C1orf167: variants seen among roughly 807,000 people sequenced by gnomAD.
C1orf167 encodes the protein uncharacterized protein C1orf167.
Under a neutral mutation model 176.5 loss-of-function variants are expected in C1orf167, and 153 were observed. The ratio of observed to expected loss-of-function variants is 0.87; its 90% confidence interval spans 0.76 to 0.99. The LOEUF (loss-of-function observed/expected upper bound fraction) is 0.99. Among genes scored for constraint, C1orf167 ranks in the 50% least tolerant of loss-of-function variants. The pLI, the probability that C1orf167 is intolerant of heterozygous loss-of-function variation, is 0.00. For synonymous variants in C1orf167, 594 were observed against 752.7 expected, an observed-to-expected ratio of 0.79 and a Z score of 3.45; for missense variants, 1,490 against 1,817.7, an observed-to-expected ratio of 0.82 and a Z score of 3.28.
At chr1:11,782,402 G>A (rs1643642032) in intron 14 of C1orf167, 69 bp downstream of exon 14, 4 of 1,143,972 alleles carry the variant, frequency 3.5e-6, no homozygotes, top group Non-Finnish European at 3.3e-6. Flanking sequence ...GAGCACCCAG[G>A]GGGTGGGAAG....
intron 2 of C1orf167, 29 bp from the exon 3 acceptor site, chr1:11,765,828 C>G (rs1024877670): frequency 2.5e-6 from 3 of 1,182,508 alleles, no homozygotes; most frequent in Non-Finnish European, 3.2e-6. Flanking sequence ...GCCAGCCACC[C>G]AAGTCATGAC....
rs1448054688 is a variant in C1orf167 at position 11,771,619 on chromosome 1, AG to A, written c.1795del (p.Ala599ProfsTer48). On this transcript the variant is annotated frameshift_variant, in exon 7 of 21. Transcript: ENST00000688073. LOFTEE classifies it high-confidence loss of function. ...AGACACGAGAGAGTCCAGATCCTGC[AG>A]GCCCTGCAACTGGCTGGTGAGACGT... ...DSRHERVQILQALQLAVFFLW... is the reference protein window; with the variant it reads ...DSRHERVQILXALQLAVFFLW... 4.5e-5 allele frequency: 58 copies of A among 1,289,614 alleles called. No homozygotes were observed. The highest frequency in any genetic ancestry group is 5.8e-5 in the Non-Finnish European group (57 of 988,790). The allele number at this position is 1,289,614 out of a possible 1,614,324, so 79.9% of individuals were successfully genotyped here. A position where few individuals can be genotyped will look rare whatever the true frequency, so the allele number is the denominator to read the frequency against.
In C1orf167 at chr1:11,771,043, G is replaced by GTA. The variant is rs1374627501; in HGVS notation, c.1698-480_1698-479insAT. ...AGCGTGTGTGTGTATGTGTGTGTGT[G>GTA]TGTGTGTATATATATATATATATAT... On this transcript the variant is annotated intron_variant, in intron 6 of 20. Coordinates refer to ENST00000688073, the MANE Select transcript of C1orf167 (RefSeq NM_001010881.2). Among the ~76,000 whole-genome samples, 323 of 69,692 alleles carry GTA rather than the reference G, an allele frequency of 4.6e-3. 13 individuals carry two copies. The highest frequency in any genetic ancestry group is 0.014 in the South Asian group (18 of 1,304). The allele number at this position is 69,692 out of a possible 152,430, so 45.7% of individuals were successfully genotyped here.
intron 10 of C1orf167, 45 bp from the exon 11 acceptor site, chr1:11,778,615 C>T: frequency 7.9e-7 from 1 of 1,262,574 alleles, no homozygotes; most frequent in Middle Eastern, 2.2e-4. Flanking sequence ...CCCTGCACAG[C>T]CTGAGGGTGA....
At position 11,768,205 on chromosome 1, in the gene C1orf167, T is replaced by A; in HGVS notation, c.1472T>A (p.Leu491His). The change falls in exon 5 of 21, where the codon CTC becomes CAC. Residue 491 changes from leucine to histidine, a missense_variant. Leu to His is a moderately conservative substitution (Grantham distance 99). Coordinates refer to ENST00000688073, the MANE Select transcript of C1orf167 (RefSeq NM_001010881.2). This position sits in a 1 kb window ranked among gnomAD's most constrained non-coding sequence, Gnocchi z 4.5. ...CGAAAGTGCCTTCAGGCCTTGTGGC[T>A]CCGGGAGGCTCAGCTGGAGGCAGCA... Reference protein sequence around the residue: ...LLRKCLQALWLREAQLEAAWG... With the variant: ...LLRKCLQALWHREAQLEAAWG... 1 of 1,289,726 alleles carries A rather than the reference T, an allele frequency of 7.8e-7. No homozygotes were observed. Among genetic ancestry groups the A allele is most frequent in the Non-Finnish European group, 1.0e-6 (1 of 988,752 alleles). The allele number at this position is 1,289,726 out of a possible 1,614,324, so 79.9% of individuals were successfully genotyped here. A position where few individuals can be genotyped will look rare whatever the true frequency, so the allele number is the denominator to read the frequency against.
At position 11,785,304 on chromosome 1, in the gene C1orf167, CCA is replaced by C. The variant is rs1557744895; in HGVS notation, c.3567+16_3567+17del. 3.2e-6 allele frequency: 4 copies of C among 1,269,674 alleles called. No individual in the cohort carries two copies. Among genetic ancestry groups the C allele is most frequent in the Middle Eastern group, 2.2e-4 (1 of 4,616 alleles). The allele number at this position is 1,269,674 out of a possible 1,614,324, so 78.7% of individuals were successfully genotyped here. A position where few individuals can be genotyped will look rare whatever the true frequency, so the allele number is the denominator to read the frequency against. On this transcript the variant is annotated intron_variant, in intron 16 of 20. Coordinates refer to ENST00000688073, the MANE Select transcript of C1orf167 (RefSeq NM_001010881.2). ...GGGCCGGCAAGGTACGCCCCAAGCCCCAGACTGACCTCACGCTCTGGCCCCGG... is the reference window on the plus strand; with the variant it reads ...GGGCCGGCAAGGTACGCCCCAAGCCCGACTGACCTCACGCTCTGGCCCCGG...
intron 17 of C1orf167, 158 bp from the exon 18 acceptor site, chr1:11,787,715 G>T (rs3820192): frequency 0.1 from 113,471 of 1,081,696 alleles, 6,363 homozygotes; most frequent in South Asian, 0.17. Context: ...CAGGCAGCCG[G>T]GAGAGGCTGG....
chr1:11,789,243 A>T, intron 20 of C1orf167, 27 bp from the exon 21 acceptor site: 1 of 1,301,856 alleles, frequency 7.7e-7, no homozygotes, highest in African/African-American at 1.5e-5. Context: ...CCACAACAAT[A>T]GCATTTCCTC....
chr1:11,764,871 G>A (rs1000844607), intron 2 of C1orf167, among the ~76,000 whole-genome samples: 13 of 151,980 alleles, frequency 8.6e-5, no homozygotes, highest in Admixed American at 2.0e-4. Flanking sequence ...CCTGGCCAAT[G>A]TGGTGAAACT....
chr1:11,771,411 C>T, intron 6 of C1orf167, 113 bp from the exon 7 acceptor site: 6 of 462,608 alleles, frequency 1.3e-5, no homozygotes, highest in South Asian at 1.1e-4. Context: ...GGGGACTCAG[C>T]GCCCCCTGCT....
At chr1:11,780,070 A>G in intron 13 of C1orf167, 60 bp downstream of exon 13, 1 of 1,177,372 alleles carries the variant, frequency 8.5e-7, no homozygotes, top group South Asian at 1.5e-5. Context: ...TCTGTCTGAG[A>G]CCCAGACTGC....
chr1:11,765,714 AG>A (rs1642757974), intron 2 of C1orf167, 142 bp from the exon 3 acceptor site: 1 of 768,096 alleles, frequency 1.3e-6, no homozygotes, highest in African/African-American at 1.8e-5. Flanking sequence ...CCAGGGAGAC[AG>A]AGCTGGCAGA....
intron 12 of C1orf167, 91 bp downstream of exon 12, chr1:11,779,171 C>T (rs371563989): frequency 1.7e-6 from 2 of 1,146,344 alleles, no homozygotes; most frequent in African/African-American, 1.6e-5. Flanking sequence ...ACAGCAGCAG[C>T]CCCTTGGGGT....
At chr1:11,764,783 G>C (rs1283650002) in intron 2 of C1orf167, among the ~76,000 whole-genome samples, 1 of 152,106 alleles carries the variant, frequency 6.6e-6, no homozygotes, top group Non-Finnish European at 1.5e-5. Flanking sequence ...GGCCGGGCGT[G>C]GTGGCTCACG....
At chr1:11,771,683 G>T in intron 7 of C1orf167, 47 bp downstream of exon 7, 2 of 1,234,846 alleles carry the variant, frequency 1.6e-6, no homozygotes, top group Non-Finnish European at 2.1e-6. Context: ...GCCTGGCCAC[G>T]CAGGGCCTGA....
chr1:11,763,265 C>A (rs1184120367), intron 1 of C1orf167, among the ~76,000 whole-genome samples: 1 of 152,142 alleles, frequency 6.6e-6, no homozygotes, highest in Non-Finnish European at 1.5e-5. Context: ...CATGGTGAAA[C>A]CCTGTCTCTA....
chr1:11,766,662 GGA>G lies in C1orf167; in HGVS notation c.877_878del (p.Asp293TrpfsTer21), dbSNP rs1642812703. The G allele has an allele frequency of 2.3e-6, 3 of 1,289,674 alleles. No homozygotes were observed. The Admixed American group carries it at 6.9e-5, about 30-fold the overall frequency. The allele number at this position is 1,289,674 out of a possible 1,614,324, so 79.9% of individuals were successfully genotyped here. On this transcript the variant is annotated frameshift_variant, in exon 3 of 21. Coordinates refer to ENST00000688073, the MANE Select transcript of C1orf167 (RefSeq NM_001010881.2). LOFTEE classifies it high-confidence loss of function. The surrounding 1 kb of genome is among the most constrained non-coding windows in gnomAD (Gnocchi z 4.5). ...QPSQPVLASS[D>X]GRRRRLRGHR... The stretch of plus-strand genomic sequence containing the variant: ...CCAGCCAGCCTGTCCTTGCTTCCTC[GGA>G]TGGGAGGAGGAGACGCCTTCGAGGC...
chr1:11,780,744 A>G (rs540438299), intron 13 of C1orf167, among the ~76,000 whole-genome samples: 2 of 152,228 alleles, frequency 1.3e-5, no homozygotes, highest in South Asian at 4.1e-4. Flanking sequence ...CAGCAGAGTT[A>G]GTCAGGGAGG....
In C1orf167 at chr1:11,789,390, A is replaced by C. The variant is rs868014; in HGVS notation, c.4294A>C (p.Arg1432=). Residue 1432 remains arginine (R), a synonymous_variant, in exon 21 of 21, where the codon AGA becomes CGA. Coordinates refer to ENST00000688073, the MANE Select transcript of C1orf167 (RefSeq NM_001010881.2). The stretch of plus-strand genomic sequence containing the variant: ...CCCCGAGAGTGGACAGGAAGCCGCC[A>C]GAGCACCGCGGGGTTGGGGGCTTGG... ...KGPESGQEAA[R]APRGWGLGAE... 7.7e-7 allele frequency: 1 copy of C among 1,304,032 alleles called. No homozygotes were observed. The highest frequency in any genetic ancestry group is 1.2e-5 in the South Asian group (1 of 81,014). The allele number at this position is 1,304,032 out of a possible 1,614,324, so 80.8% of individuals were successfully genotyped here.
Sources: allele counts gnomAD v4.1 joint callset (sites outside exome capture counted in the v4.1 genomes callset), GRCh38; gene constraint gnomAD v4.1.1; non-coding constraint Gnocchi (gnomAD v3.1); transcripts MANE v1.5; gene names NCBI Gene and HGNC (gene_info 2026-07-23, HGNC 2026-07-21).